Variants in ACSBG2 observed in about 807,000 individuals in gnomAD.
ACSBG2 encodes acyl-CoA synthetase bubblegum family member 2.
ACSBG2 carries 62 observed loss-of-function variants against 74.7 expected under a neutral mutation model. The ratio of observed to expected loss-of-function variants is 0.83; its 90% CI spans 0.68 to 1.03. ACSBG2 has a LOEUF of 1.03. ACSBG2 is among the 50% of genes least tolerant of loss of function. ACSBG2 has a pLI of 0.00. For missense variants in ACSBG2, 730 were observed against 817.6 expected, an observed-to-expected ratio of 0.89 and a Z score of 1.31; for synonymous variants, 309 against 294.1, an observed-to-expected ratio of 1.05 and a Z score of -0.52.
intron 7 of ACSBG2, 85 bp downstream of exon 7, chr19:6,166,100 G>GTC: frequency 5.2e-6 from 8 of 1,550,092 alleles, no homozygotes; most frequent in Non-Finnish European, 7.0e-6. Flanking sequence ...GCATTCCAGG[G>GTC]TCTAGTACGC....
intron 13 of ACSBG2, among the ~76,000 whole-genome samples, chr19:6,189,269 CTTCT>C (rs2145286953): frequency 6.6e-6 from 1 of 152,290 alleles, no homozygotes; most frequent in East Asian, 1.9e-4. Flanking sequence ...ACCACCCTGT[CTTCT>C]TTAAAGCATC....
chr19:6,149,504 CT>C (rs556996493), intron 3 of ACSBG2, among the ~76,000 whole-genome samples: 5,432 of 127,780 alleles, frequency 0.043, 148 homozygotes, highest in African/African-American at 0.096. Flanking sequence ...ACATGTGCAA[CT>C]TTTTTTTTTT....
Position 6,180,658 on chromosome 19 carries a change from G to C in ACSBG2, c.907-2093G>C, listed in dbSNP as rs2090219612. On this transcript the variant is annotated intron_variant, in intron 8 of 14. Coordinates refer to ENST00000588485, the MANE Select transcript of ACSBG2 (RefSeq NM_030924.5). This position sits in a 1 kb window ranked among gnomAD's most constrained non-coding sequence, Gnocchi z 4.3. The stretch of plus-strand genomic sequence containing the variant: ...TTCAGAAATTTCCAGATTGTTTTCT[G>C]AAGTACGTGCACCAGAAATGTGCGA... 6.6e-6 allele frequency among the ~76,000 whole-genome samples: 1 copy of C among 152,148 alleles called. No individual in the cohort carries two copies. Among genetic ancestry groups the C allele is most frequent in the Admixed American group, 6.6e-5 (1 of 15,266 alleles).
chr19:6,166,921 G>A (rs1403029309), intron 7 of ACSBG2, among the ~76,000 whole-genome samples: 1 of 152,048 alleles, frequency 6.6e-6, no homozygotes, highest in Non-Finnish European at 1.5e-5. Context: ...TTACAGGCGT[G>A]AGCCACAGCA....
chr19:6,145,121 G>A (rs113062003), intron 2 of ACSBG2, among the ~76,000 whole-genome samples: 3,896 of 151,998 alleles, frequency 0.026, 161 homozygotes, highest in African/African-American at 0.086. Flanking sequence ...CATCCCGGCC[G>A]GGCGCGGTGG....
At chr19:6,155,162 A>G (rs1329890951) in intron 4 of ACSBG2, among the ~76,000 whole-genome samples, 1 of 152,178 alleles carries the variant, frequency 6.6e-6, no homozygotes, top group Non-Finnish European at 1.5e-5. Flanking sequence ...GAGCCCAGAA[A>G]TAGCTCCATG....
chr19:6,144,526 A>G (rs1476310434), intron 2 of ACSBG2, among the ~76,000 whole-genome samples: 1 of 152,212 alleles, frequency 6.6e-6, no homozygotes, highest in Admixed American at 6.5e-5. Context: ...ACAGCCTCAG[A>G]AGGAACCAGT....
rs564143638 is a variant in ACSBG2 at position 6,149,663 on chromosome 19, C to A, written c.297+1988C>A. The stretch of plus-strand genomic sequence containing the variant: ...CTGGGACTACAGGCAGGTGCTGCCA[C>A]GCCCGGCTAATTTTTTGTATATTTA... On this transcript the variant is annotated intron_variant, in intron 3 of 14. Transcript: ENST00000588485. 2.2e-4 allele frequency among the ~76,000 whole-genome samples: 33 copies of A among 152,224 alleles called. 1 individual carries two copies. Among genetic ancestry groups the A allele is most frequent in the African/African-American group, 7.2e-4 (30 of 41,536 alleles).
At chr19:6,164,170 C>T (rs1222225282) in intron 6 of ACSBG2, among the ~76,000 whole-genome samples, 2 of 152,128 alleles carry the variant, frequency 1.3e-5, no homozygotes, top group African/African-American at 4.8e-5. Context: ...GGGTCTGGTG[C>T]CCATCCCAAT....
chr19:6,140,632 A>C (rs2088787480), intron 1 of ACSBG2, among the ~76,000 whole-genome samples: 1 of 152,124 alleles, frequency 6.6e-6, no homozygotes, highest in African/African-American at 2.4e-5. Context: ...GTGAGCCGAG[A>C]TTGTGTCACT....
In ACSBG2 at chr19:6,161,109, A is replaced by AAAT. The variant is rs1167152140; in HGVS notation, c.508-104_508-103insTAA. ...AGCAAGACTGTGTCTCAAAAAAAAAAAAAGAGGCTAGAGTTGCTGGAGAGA... is the reference window on the plus strand; with the variant it reads ...AGCAAGACTGTGTCTCAAAAAAAAAAAATAAAGAGGCTAGAGTTGCTGGAGAGA... On this transcript the variant is annotated intron_variant, in intron 5 of 14. Transcript: ENST00000588485. The AAAT allele has an allele frequency of 2.3e-5, 20 of 884,628 alleles. 1 individual carries two copies. 54.8% of individuals were successfully genotyped at this position (884,628 alleles called of 1,614,324 possible). A position where few individuals can be genotyped will look rare whatever the true frequency, so the allele number is the denominator to read the frequency against.
At chr19:6,148,553 G>A (rs2089124334) in intron 3 of ACSBG2, among the ~76,000 whole-genome samples, 1 of 152,068 alleles carries the variant, frequency 6.6e-6, no homozygotes, top group Admixed American at 6.6e-5. Flanking sequence ...GCTGAGGTGG[G>A]AGGATCACTT....
intron 8 of ACSBG2, among the ~76,000 whole-genome samples, chr19:6,181,356 GAAAA>G (rs1171381283): frequency 7.1e-6 from 1 of 141,350 alleles, no homozygotes; most frequent in Non-Finnish European, 1.5e-5. Flanking sequence ...AAGGAAGAAA[GAAAA>G]AGAAAGAAAG....
At chr19:6,178,518 A>C (rs567738901) in intron 8 of ACSBG2, among the ~76,000 whole-genome samples, 1 of 152,154 alleles carries the variant, frequency 6.6e-6, no homozygotes, top group African/African-American at 2.4e-5. Context: ...AGTAGCTGGA[A>C]CTGCAGGCCT....
In ACSBG2 at chr19:6,187,582, G is replaced by C. The variant is rs1280698069; in HGVS notation, c.1681-17G>C. 3 of 1,613,826 alleles carry C rather than the reference G, an allele frequency of 1.9e-6. No individual in the cohort carries two copies. The highest frequency in any genetic ancestry group is 2.5e-6 in the Non-Finnish European group (3 of 1,179,910). On this transcript the variant is annotated splice_polypyrimidine_tract_variant and intron_variant, in intron 12 of 14. Coordinates refer to ENST00000588485, the MANE Select transcript of ACSBG2 (RefSeq NM_030924.5). ...TGGTCAAGGAGCATGGGTGGTGACA[G>C]AGGTGTCTGGGGGCAGTGTGAGATG...
In ACSBG2 at chr19:6,150,773, G is replaced by A. The variant is rs149593439; in HGVS notation, c.298-934G>A. ...AGTTCTAGAGATGAACAGTGGTGAC[G>A]GTTGTACAACCATGTGGATGTGTTT... On this transcript the variant is annotated intron_variant, in intron 3 of 14. Transcript: ENST00000588485. Among the ~76,000 whole-genome samples the A allele has an allele frequency of 8.5e-5, 13 of 152,194 alleles. No individual in the cohort carries two copies. In the East Asian group the frequency reaches 1.9e-3, roughly 23 times the overall value.
intron 10 of ACSBG2, among the ~76,000 whole-genome samples, chr19:6,183,527 T>C (rs1290881512): frequency 6.6e-6 from 1 of 152,180 alleles, no homozygotes; most frequent in Non-Finnish European, 1.5e-5. Flanking sequence ...AGTTCTGCCT[T>C]CAAGGTCACC....
chr19:6,140,891 T>C (rs1247227832), intron 1 of ACSBG2, among the ~76,000 whole-genome samples: 1 of 152,224 alleles, frequency 6.6e-6, no homozygotes, highest in Non-Finnish European at 1.5e-5. Flanking sequence ...TACTTCTTTT[T>C]AAAAGTCATT....
chr19:6,185,988 C>T (rs1250144038), intron 11 of ACSBG2, among the ~76,000 whole-genome samples: 1 of 151,998 alleles, frequency 6.6e-6, no homozygotes, highest in African/African-American at 2.4e-5. Flanking sequence ...CATTTTGGCA[C>T]CTGGATCCAG....
Sources: gnomAD v4.1 joint callset for allele counts (sites outside exome capture counted in the v4.1 genomes callset) on GRCh38, gnomAD v4.1.1 for gene constraint, Gnocchi (gnomAD v3.1) non-coding constraint, MANE v1.5 for transcripts, NCBI Gene and HGNC (gene_info 2026-07-23, HGNC 2026-07-21) for gene names.